Variants in CRISPLD1 observed in about 807,000 individuals in gnomAD.
The protein encoded by CRISPLD1 is cysteine-rich secretory protein LCCL domain-containing 1.
In CRISPLD1, 60 loss-of-function variants were observed where a neutral mutation model predicts 77.5. That is an observed-to-expected ratio of 0.77 (90% CI 0.63 to 0.96). The LOEUF (loss-of-function observed/expected upper bound fraction) is 0.96, where lower values mean the gene tolerates loss of function less well. Ranked by LOEUF, CRISPLD1 falls within the 40% of genes least tolerant of loss-of-function variation. The probability of loss-of-function intolerance (pLI) is 0.00; values close to 1 mark genes in which losing one functional copy is unlikely to be tolerated. For synonymous variants in CRISPLD1, 195 were observed against 200.1 expected (o/e 0.97, Z 0.22); for missense variants, 623 against 615.8 (o/e 1.01, Z -0.12).
chr8:75,008,448 A>C (rs1812872969), intron 2 of CRISPLD1, among the ~76,000 whole-genome samples: 1 of 152,214 alleles, frequency 6.6e-6, no homozygotes, highest in South Asian at 2.1e-4. Flanking sequence ...ACGTGAAATA[A>C]TATGTTGTAG....
chr8:74,986,400 T>C (rs1015747999), intron 2 of CRISPLD1, among the ~76,000 whole-genome samples, 155 bp downstream of exon 2: 2 of 152,246 alleles, frequency 1.3e-5, no homozygotes, highest in African/African-American at 4.8e-5. Context: ...TTTATTAATG[T>C]TCCTTTTGTT....
intron 2 of CRISPLD1, among the ~76,000 whole-genome samples, chr8:75,009,329 A>G (rs1432827559): frequency 6.7e-6 from 1 of 150,168 alleles, no homozygotes; most frequent in African/African-American, 2.5e-5. Flanking sequence ...CTTAACAGGA[A>G]AAAAAAAGAA....
In CRISPLD1 at chr8:74,991,625, G is replaced by A. The variant is rs373209777; in HGVS notation, c.258+5380G>A. Among the ~76,000 whole-genome samples, 9 of 152,298 alleles carry A rather than the reference G, an allele frequency of 5.9e-5. No individual in the cohort carries two copies. In the South Asian group the frequency reaches 1.0e-3, roughly 18 times the overall value. ...GGCTCACTGCAATGTCCGCCTCCCA[G>A]GCTCAAGAGATTCTTCTGCCTCAGC... is the stretch of plus-strand genomic sequence containing the variant. On this transcript the variant is annotated intron_variant, in intron 2 of 14. Transcript: ENST00000262207.
At chr8:75,000,203 C>T (rs949422433) in intron 2 of CRISPLD1, 1 of 985,030 alleles carries the variant, frequency 1.0e-6, no homozygotes, top group Non-Finnish European at 1.2e-6. Flanking sequence ...AAACATGAAA[C>T]TATATCTTAT....
At position 75,012,482 on chromosome 8, in the gene CRISPLD1, G is replaced by C. The variant is rs1812949445; in HGVS notation, c.308G>C (p.Cys103Ser). The C allele has an allele frequency of 6.2e-7, 1 of 1,613,150 alleles. No homozygotes were observed. The highest frequency in any genetic ancestry group is 1.1e-5 in the South Asian group (1 of 91,062). ...ERSAESWAES[C>S]LWEHGPASLL... is the part of the protein sequence containing the mutation. ...TCTGCAGAATCCTGGGCTGAAAGTTGCTTGTGGGAACATGGACCTGCAAGC... is the reference window on the plus strand; with the variant it reads ...TCTGCAGAATCCTGGGCTGAAAGTTCCTTGTGGGAACATGGACCTGCAAGC... Residue 103 changes from cysteine to serine, a missense_variant, in exon 3 of 15, where the codon TGC (cysteine) becomes TCC (serine). Transcript: ENST00000262207.
chr8:75,004,327 A>G (rs1415173080), intron 2 of CRISPLD1, among the ~76,000 whole-genome samples: 1 of 152,204 alleles, frequency 6.6e-6, no homozygotes, highest in African/African-American at 2.4e-5. Context: ...ATTGTAAGGA[A>G]TGCAATACAG....
chr8:75,012,971 C>G lies in CRISPLD1; in HGVS notation c.459C>G (p.Asn153Lys), dbSNP rs142874642. The G allele has an allele frequency of 6.2e-7, 1 of 1,612,568 alleles. No homozygotes were observed. Among genetic ancestry groups the G allele is most frequent in the Admixed American group, 1.7e-5 (1 of 59,860 alleles). The change falls in exon 4 of 15, where the codon AAC (asparagine) becomes AAG (lysine). Residue 153 changes from asparagine (N) to lysine (K), a missense_variant. By Grantham distance (94) the Asn-to-Lys change is moderately conservative (BLOSUM62 0). Coordinates refer to ENST00000262207, the MANE Select transcript of CRISPLD1 (RefSeq NM_031461.6). The stretch of plus-strand genomic sequence containing the variant: ...GCTACCCATATGAACATGAATGCAA[C>G]CCATATTGTCCATTCAGGTGTTCTG... ...DFSYPYEHEC[N>K]PYCPFRCSGP...
chr8:75,010,947 T>A (rs1193405156), intron 2 of CRISPLD1, among the ~76,000 whole-genome samples: 2 of 151,972 alleles, frequency 1.3e-5, no homozygotes, highest in Non-Finnish European at 2.9e-5. Flanking sequence ...TACATCACCA[T>A]TGAAATATGC....
At chr8:74,987,717 C>T (rs12677912) in intron 2 of CRISPLD1, among the ~76,000 whole-genome samples, 3 of 152,132 alleles carry the variant, frequency 2.0e-5, no homozygotes, top group Non-Finnish European at 4.4e-5. Context: ...GTAGCCAGTT[C>T]TGGAGCCCCT....
chr8:75,005,057 A>G (rs1251839646), intron 2 of CRISPLD1, among the ~76,000 whole-genome samples: 4 of 152,168 alleles, frequency 2.6e-5, no homozygotes, highest in African/African-American at 4.8e-5. Flanking sequence ...TGGGCTTATA[A>G]TTAGAAAATC....
chr8:75,001,199 A>C (rs1212483907), intron 2 of CRISPLD1, among the ~76,000 whole-genome samples: 3 of 152,212 alleles, frequency 2.0e-5, no homozygotes, highest in African/African-American at 7.2e-5. Context: ...ATATAAAACA[A>C]AATTTTGTGT....
intron 2 of CRISPLD1, among the ~76,000 whole-genome samples, chr8:74,990,557 G>T (rs1276915329): frequency 6.6e-6 from 1 of 151,876 alleles, no homozygotes; most frequent in Admixed American, 6.6e-5. Context: ...TGTATCTCCA[G>T]CTGACAGCCT....
chr8:75,016,770 T>G (rs547037450), intron 7 of CRISPLD1, 65 bp downstream of exon 7: 1 of 1,556,630 alleles, frequency 6.4e-7, no homozygotes, highest in Non-Finnish European at 8.7e-7. Flanking sequence ...ATCAAGATTT[T>G]ATTAATTTGA....
intron 4 of CRISPLD1, among the ~76,000 whole-genome samples, chr8:75,013,459 A>G (rs1812971296): frequency 6.6e-6 from 1 of 152,138 alleles, no homozygotes. Context: ...AGGCAGATTG[A>G]TAAAGCTCAC....
At chr8:75,003,185 C>A (rs1445841694) in intron 2 of CRISPLD1, among the ~76,000 whole-genome samples, 1 of 152,138 alleles carries the variant, frequency 6.6e-6, no homozygotes, top group Non-Finnish European at 1.5e-5. Flanking sequence ...TATAGAGACA[C>A]TGAGCAACGT....
At chr8:74,994,950 A>C (rs1442200436) in intron 2 of CRISPLD1, among the ~76,000 whole-genome samples, 2 of 152,188 alleles carry the variant, frequency 1.3e-5, no homozygotes, top group Non-Finnish European at 2.9e-5. Context: ...GAGACATATT[A>C]AAATTGAGAT....
At chr8:75,031,377 T>C (rs79030106) in intron 14 of CRISPLD1, among the ~76,000 whole-genome samples, 2,192 of 152,220 alleles carry the variant, frequency 0.014, 52 homozygotes, top group East Asian at 0.085. Context: ...CTTCAAAAGC[T>C]TACAGTTGAT....
intron 2 of CRISPLD1, among the ~76,000 whole-genome samples, chr8:74,995,079 C>T (rs1197061172): frequency 6.6e-6 from 1 of 152,076 alleles, no homozygotes; most frequent in Admixed American, 6.5e-5. Flanking sequence ...GGTATTTAAA[C>T]TCATGAGGAG....
chr8:75,010,983 T>G (rs987287597), intron 2 of CRISPLD1, among the ~76,000 whole-genome samples: 8 of 151,988 alleles, frequency 5.3e-5, no homozygotes, highest in Admixed American at 1.3e-4. Context: ...CACACACTTG[T>G]ATTACAACCA....
Sources: allele counts gnomAD v4.1 joint callset (sites outside exome capture counted in the v4.1 genomes callset), GRCh38; gene constraint gnomAD v4.1.1; transcripts MANE v1.5; gene names NCBI Gene and HGNC (gene_info 2026-07-23, HGNC 2026-07-21).